NAV2: variants seen among roughly 807,000 people sequenced by gnomAD.
NAV2 encodes the protein neuron navigator 2.
A neutral mutation model predicts 223.2 loss-of-function variants in NAV2; 54 were observed. The observed-to-expected ratio is 0.24, with a 90% CI of 0.19 to 0.30. The LOEUF is 0.30. Ranked by LOEUF, NAV2 falls within the 10% of genes least tolerant of loss-of-function variation. The probability of loss-of-function intolerance (pLI) is 1.00; values close to 1 mark genes in which losing one functional copy is unlikely to be tolerated. For synonymous variants in NAV2, 1,279 were observed against 1,239.3 expected, an observed-to-expected ratio of 1.03 and a Z score of -0.67; for missense variants, 2,806 against 3,147.5, an observed-to-expected ratio of 0.89 and a Z score of 2.60.
At chr11:19,979,995 C>T (rs959046242) in intron 10 of NAV2, among the ~76,000 whole-genome samples, 1 of 152,202 alleles carries the variant, frequency 6.6e-6, no homozygotes, top group Non-Finnish European at 1.5e-5. Context: ...GCACTTAACA[C>T]AGTACCCAGT....
At chr11:19,610,822 A>T (rs988716771) in intron 1 of NAV2, among the ~76,000 whole-genome samples, 2 of 151,988 alleles carry the variant, frequency 1.3e-5, no homozygotes, top group Admixed American at 6.6e-5. Flanking sequence ...GGATGGATGG[A>T]TGGATGGAGG....
chr11:19,615,079 T>A (rs145306506), intron 1 of NAV2, among the ~76,000 whole-genome samples: 1 of 152,230 alleles, frequency 6.6e-6, no homozygotes, highest in African/African-American at 2.4e-5. Context: ...GAATGGGTAC[T>A]TTATACCTAT....
At chr11:19,724,776 C>G (rs7115825) in intron 1 of NAV2, among the ~76,000 whole-genome samples, 4,328 of 152,274 alleles carry the variant, frequency 0.028, 204 homozygotes, top group African/African-American at 0.098. Context: ...CTGGGACTGT[C>G]TAATTTCAAG....
intron 3 of NAV2, among the ~76,000 whole-genome samples, chr11:19,845,678 C>T (rs2060763920): frequency 6.6e-6 from 1 of 152,174 alleles, no homozygotes; most frequent in Non-Finnish European, 1.5e-5. Context: ...ACCTTTTCCT[C>T]CCTCCCTTCA....
At chr11:19,718,309 C>A (rs1050759509) in intron 1 of NAV2, among the ~76,000 whole-genome samples, 65 of 152,044 alleles carry the variant, frequency 4.3e-4, no homozygotes, top group African/African-American at 1.5e-3. Flanking sequence ...AGACATTAGC[C>A]TATTTTTAAG....
rs553478585 is a variant in NAV2, at chr11:20,076,246, G to C, written c.4984-1306G>C. 7.9e-5 allele frequency among the ~76,000 whole-genome samples: 12 copies of C among 151,634 alleles called. No individual in the cohort carries two copies. The East Asian group carries it at 2.3e-3, about 29-fold the overall frequency. On this transcript the variant is annotated intron_variant, in intron 22 of 37. Transcript: ENST00000349880. ...CTGAAGACCTCTAACTCTAAATCCT[G>C]TTCCCTTCCCCTGTACTACACTGCC...
chr11:19,990,124 C>G (rs1260624948), intron 11 of NAV2, among the ~76,000 whole-genome samples: 1 of 152,198 alleles, frequency 6.6e-6, no homozygotes, highest in Non-Finnish European at 1.5e-5. Context: ...TTGCCCTCAC[C>G]CCTTTTCTCA....
intron 1 of NAV2, among the ~76,000 whole-genome samples, chr11:19,698,812 G>A (rs1280675014): frequency 6.7e-6 from 1 of 150,314 alleles, no homozygotes; most frequent in Non-Finnish European, 1.5e-5. Flanking sequence ...GTGTGTGTGT[G>A]CATGTGAGAG....
chr11:19,688,428 G>T (rs1325641734), intron 1 of NAV2, among the ~76,000 whole-genome samples: 1 of 152,160 alleles, frequency 6.6e-6, no homozygotes, highest in Non-Finnish European at 1.5e-5. Context: ...CTATGCCGTG[G>T]TAACAGAGGT....
intron 6 of NAV2, among the ~76,000 whole-genome samples, chr11:19,899,159 C>G (rs2042240126): frequency 6.6e-6 from 1 of 152,158 alleles, no homozygotes; most frequent in South Asian, 2.1e-4. Context: ...GTTTCCTCCT[C>G]TAGTTTTTGT....
At chr11:19,992,775 G>A (rs1393338755) in intron 11 of NAV2, among the ~76,000 whole-genome samples, 1 of 151,768 alleles carries the variant, frequency 6.6e-6, no homozygotes, top group Admixed American at 6.6e-5. Flanking sequence ...TTGCTTTTTG[G>A]TAGAGACAGG....
At chr11:19,566,566 C>T (rs2045275137) in intron 1 of NAV2, among the ~76,000 whole-genome samples, 1 of 152,222 alleles carries the variant, frequency 6.6e-6, no homozygotes, top group South Asian at 2.1e-4. Context: ...ATTTTGGCAG[C>T]CACCCCTGTG....
chr11:19,723,689 G>A (rs1004474119), intron 1 of NAV2, among the ~76,000 whole-genome samples: 1 of 152,212 alleles, frequency 6.6e-6, no homozygotes, highest in African/African-American at 2.4e-5. Context: ...TGCAATCTGG[G>A]CAGGATCTCC....
At chr11:19,603,708 G>A (rs1269822293) in intron 1 of NAV2, among the ~76,000 whole-genome samples, 1 of 151,628 alleles carries the variant, frequency 6.6e-6, no homozygotes, top group African/African-American at 2.4e-5. Context: ...CTATATTAGA[G>A]CAGCATATCT....
Position 20,054,214 on chromosome 11 carries a change from G to C in NAV2, c.4616G>C (p.Gly1539Ala), listed in dbSNP as rs774063992. The C allele has an allele frequency of 6.2e-7, 1 of 1,611,338 alleles. No homozygotes were observed. Residue 1539 changes from glycine (G) to alanine (A), a missense_variant, in exon 18 of 38, where the codon GGA (glycine) becomes GCA (alanine). Around this residue, in one of 4 missense-constraint regions of NAV2, gnomAD observed 742 missense variants for 777.9 expected, o/e 0.95. Coordinates refer to ENST00000349880, the MANE Select transcript of NAV2 (RefSeq NM_145117.5). ...GGCTCCAGCGTGACTTCTCCCTCCG[G>C]AACAAGATTCAACTTTTCCCAGCTT... ...SSGSSVTSPSGTRFNFSQLAS... is the reference protein window; with the variant it reads ...SSGSSVTSPSATRFNFSQLAS...
chr11:19,398,419 A>G (rs1220416625), intron 1 of NAV2, among the ~76,000 whole-genome samples: 1 of 152,118 alleles, frequency 6.6e-6, no homozygotes, highest in African/African-American at 2.4e-5. Context: ...ACATTTCAAC[A>G]TGAGATTTGG....
intron 11 of NAV2, among the ~76,000 whole-genome samples, chr11:19,985,756 A>G (rs1381233463): frequency 1.3e-5 from 2 of 152,040 alleles, no homozygotes; most frequent in African/African-American, 2.4e-5. Context: ...TTGAATTTTT[A>G]GTAGAGACGG....
At chr11:19,884,231 G>A in intron 5 of NAV2, 1 of 1,208,776 alleles carries the variant, frequency 8.3e-7, no homozygotes, top group South Asian at 1.3e-5. Flanking sequence ...TAGGATTTGT[G>A]TGTCTAATGT....
intron 1 of NAV2, among the ~76,000 whole-genome samples, chr11:19,443,465 C>T (rs574626215): frequency 2.6e-5 from 4 of 152,342 alleles, no homozygotes; most frequent in Non-Finnish European, 4.4e-5. Flanking sequence ...TTTGTCCTTG[C>T]AAATCTTTTG....
Sources: allele counts gnomAD v4.1 joint callset (sites outside exome capture counted in the v4.1 genomes callset), GRCh38; gene constraint gnomAD v4.1.1; regional missense constraint gnomAD v4.1.1; transcripts MANE v1.5; gene names NCBI Gene and HGNC (gene_info 2026-07-23, HGNC 2026-07-21).